The following NR6A1 variants were observed in gnomAD, a reference collection of about 807,000 sequenced individuals.
NR6A1 encodes the protein retinoic acid receptor-related testis-associated receptor.
A neutral mutation model predicts 59.1 loss-of-function variants in NR6A1; 7 were observed. The observed-to-expected ratio is 0.12, with a 90% confidence interval of 0.07 to 0.22. NR6A1 has a LOEUF of 0.22. Ranked by LOEUF, NR6A1 falls within the 10% of genes least tolerant of loss-of-function variation. The pLI is 1.00. For synonymous variants in NR6A1, 243 were observed against 236.1 expected (o/e 1.03, Z -0.27); for missense variants, 468 against 611.6 (o/e 0.77, Z 2.48).
intron 5 of NR6A1, 147 bp downstream of exon 5, chr9:124,539,886 T>C (rs539464557): frequency 8.5e-5 from 77 of 900,756 alleles, no homozygotes; most frequent in African/African-American, 5.4e-4. Context: ...GTTTTTAATC[T>C]TCCTGACCCC....
At chr9:124,609,927 T>C (rs531364452) in intron 2 of NR6A1, among the ~76,000 whole-genome samples, 1 of 152,216 alleles carries the variant, frequency 6.6e-6, no homozygotes, top group Non-Finnish European at 1.5e-5. Flanking sequence ...TGTTGGTGTA[T>C]AGGAATGCTT....
rs548329774 is a variant in NR6A1, at chr9:124,667,475, A to C, written c.142+65833T>G. ...CCAAGCAGAACCATTAATGAATGAA[A>C]TGCTACTGTATATCCCAAACACAAA... On this transcript the variant is annotated intron_variant, in intron 2 of 9. Coordinates refer to ENST00000487099, the MANE Select transcript of NR6A1 (RefSeq NM_033334.4). Among the ~76,000 whole-genome samples, 172 of 152,332 alleles carry C rather than the reference A, an allele frequency of 1.1e-3. 1 individual carries two copies. Among genetic ancestry groups the C allele is most frequent in the African/African-American group, 3.8e-3 (156 of 41,580 alleles).
At chr9:124,598,625 A>C (rs1414629071) in intron 2 of NR6A1, 3 of 352,048 alleles carry the variant, frequency 8.5e-6, no homozygotes, top group Non-Finnish European at 1.6e-5. Flanking sequence ...AAACAAACCA[A>C]AAAAGAGGGG....
At chr9:124,696,189 G>A (rs6478680) in intron 2 of NR6A1, among the ~76,000 whole-genome samples, 91,906 of 151,994 alleles carry the variant, frequency 0.6, 29,157 homozygotes, top group African/African-American at 0.81. Context: ...ACAGAGAGCC[G>A]TTTTAAATGC....
chr9:124,623,210 G>A (rs1489845921), intron 2 of NR6A1, among the ~76,000 whole-genome samples: 3 of 152,070 alleles, frequency 2.0e-5, no homozygotes, highest in Non-Finnish European at 4.4e-5. Context: ...ATGGCAAGGT[G>A]TCAAGACTTG....
intron 2 of NR6A1, among the ~76,000 whole-genome samples, chr9:124,721,386 G>A (rs1839558786): frequency 6.6e-6 from 1 of 152,136 alleles, no homozygotes; most frequent in African/African-American, 2.4e-5. Context: ...TTATCAGAAG[G>A]GAACTCCTCA....
At chr9:124,682,912 A>G (rs1838213161) in intron 2 of NR6A1, among the ~76,000 whole-genome samples, 1 of 152,206 alleles carries the variant, frequency 6.6e-6, no homozygotes, top group Non-Finnish European at 1.5e-5. Flanking sequence ...CACAGTCAAG[A>G]CTTGAATCCA....
chr9:124,696,161 G>A (rs925442930), intron 2 of NR6A1, among the ~76,000 whole-genome samples: 1 of 152,130 alleles, frequency 6.6e-6, no homozygotes, highest in Admixed American at 6.5e-5. Context: ...TGAGCAAGGC[G>A]CAAAGTCAAT....
intron 2 of NR6A1, among the ~76,000 whole-genome samples, chr9:124,595,525 A>G (rs1379443294): frequency 6.6e-6 from 1 of 152,134 alleles, no homozygotes; most frequent in Non-Finnish European, 1.5e-5. Flanking sequence ...TCTGCTCTTC[A>G]TCAACCACAA....
At chr9:124,626,379 TCCAG>T (rs973590982) in intron 2 of NR6A1, among the ~76,000 whole-genome samples, 2 of 152,152 alleles carry the variant, frequency 1.3e-5, no homozygotes, top group African/African-American at 4.8e-5. Context: ...TCTCCATCCA[TCCAG>T]CCAGCCAGCC....
intron 2 of NR6A1, among the ~76,000 whole-genome samples, chr9:124,560,203 C>G (rs1834043900): frequency 6.6e-6 from 1 of 152,178 alleles, no homozygotes; most frequent in Admixed American, 6.5e-5. Context: ...GCACCTAAAA[C>G]CTGAAGTATT....
intron 1 of NR6A1, among the ~76,000 whole-genome samples, chr9:124,751,670 A>G (rs896139179): frequency 6.6e-6 from 1 of 152,230 alleles, no homozygotes; most frequent in Non-Finnish European, 1.5e-5. Context: ...GGGATTAAAA[A>G]TCTATTAGAA....
At chr9:124,679,239 T>C (rs1838050633) in intron 2 of NR6A1, among the ~76,000 whole-genome samples, 1 of 152,222 alleles carries the variant, frequency 6.6e-6, no homozygotes, top group South Asian at 2.1e-4. Flanking sequence ...TGGTTGCTTC[T>C]GATCAGTGTT....
intron 2 of NR6A1, among the ~76,000 whole-genome samples, chr9:124,664,362 A>G (rs930692283): frequency 2.6e-5 from 4 of 152,240 alleles, no homozygotes; most frequent in African/African-American, 7.2e-5. Context: ...ATATGATGTC[A>G]TATCTTAGCT....
intron 2 of NR6A1, chr9:124,599,388 C>T (rs1835380724): frequency 2.7e-6 from 1 of 367,230 alleles, no homozygotes; most frequent in African/African-American, 2.2e-5. Context: ...CATTGCACTC[C>T]AGCCTGGGCG....
rs1841005948 is a variant in NR6A1, at chr9:124,768,559, G to T, written c.100+2461C>A. 2.0e-5 allele frequency among the ~76,000 whole-genome samples: 3 copies of T among 152,178 alleles called. No individual in the cohort carries two copies. In the South Asian group the frequency reaches 6.2e-4, roughly 31 times the overall value. ...TTTTAAGCCCATCAAGCTGCCAAAA[G>T]TTCCCATTGTATTTTCAGCAAAAAG... is the stretch of plus-strand genomic sequence containing the variant. On this transcript the variant is annotated intron_variant, in intron 1 of 9. Coordinates refer to ENST00000487099, the MANE Select transcript of NR6A1 (RefSeq NM_033334.4).
chr9:124,643,293 CTA>C (rs1259056385), intron 2 of NR6A1, among the ~76,000 whole-genome samples: 1 of 151,840 alleles, frequency 6.6e-6, no homozygotes, highest in African/African-American at 2.4e-5. Context: ...GACCCTGTCT[CTA>C]TGAAATATTT....
chr9:124,720,978 T>A (rs576700006), intron 2 of NR6A1, among the ~76,000 whole-genome samples: 152 of 152,304 alleles, frequency 1.0e-3, no homozygotes, highest in South Asian at 3.5e-3. Flanking sequence ...AGCTTTTTTT[T>A]AATAAAATAA....
chr9:124,583,710 T>G (rs1347645443), intron 2 of NR6A1, among the ~76,000 whole-genome samples: 1 of 152,190 alleles, frequency 6.6e-6, no homozygotes, highest in African/African-American at 2.4e-5. Context: ...AGGCATGTGC[T>G]CATGCTGCTC....
Sources: allele counts gnomAD v4.1 joint callset (sites outside exome capture counted in the v4.1 genomes callset), GRCh38; gene constraint gnomAD v4.1.1; transcripts MANE v1.5; gene names NCBI Gene and HGNC (gene_info 2026-07-23, HGNC 2026-07-21).